LUZP2: variants seen among roughly 807,000 people sequenced by gnomAD.
LUZP2 encodes the protein leucine zipper protein 2.
A neutral mutation model predicts 51.6 loss-of-function variants in LUZP2; 52 were observed. The ratio of observed to expected loss-of-function variants is 1.01; its 90% CI spans 0.81 to 1.27. The LOEUF is 1.27. LUZP2 is among the 50% of genes most tolerant of loss of function. The pLI is 0.00. For synonymous variants in LUZP2, 154 were observed against 137.3 expected (o/e 1.12, Z -0.85); for missense variants, 436 against 395.4 (o/e 1.10, Z -0.87).
intron 5 of LUZP2, among the ~76,000 whole-genome samples, chr11:24,789,311 G>A (rs1487052758): frequency 6.6e-6 from 1 of 152,172 alleles, no homozygotes; most frequent in Non-Finnish European, 1.5e-5. Flanking sequence ...TTCAGCCAAA[G>A]TTCATAGCTT....
chr11:24,661,076 G>A (rs1038176911), intron 1 of LUZP2, among the ~76,000 whole-genome samples: 2 of 152,122 alleles, frequency 1.3e-5, no homozygotes, highest in African/African-American at 4.8e-5. Flanking sequence ...ATGACCTTTA[G>A]AGATAACATT....
At chr11:24,782,404 C>T (rs1849121147) in intron 5 of LUZP2, among the ~76,000 whole-genome samples, 1 of 151,942 alleles carries the variant, frequency 6.6e-6, no homozygotes, top group East Asian at 1.9e-4. Flanking sequence ...GAGATAATTT[C>T]TCAAGTACTA....
chr11:24,544,268 C>T (rs964861616), intron 1 of LUZP2, among the ~76,000 whole-genome samples: 19 of 151,904 alleles, frequency 1.3e-4, no homozygotes, highest in Admixed American at 3.9e-4. Flanking sequence ...TAGTGGTAGG[C>T]TAACATTCTA....
intron 1 of LUZP2, among the ~76,000 whole-genome samples, chr11:24,709,567 A>G (rs148594364): frequency 2.0e-5 from 3 of 152,284 alleles, no homozygotes; most frequent in African/African-American, 7.2e-5. Context: ...GTGCAAAATT[A>G]TTGTTTAAGG....
intron 1 of LUZP2, among the ~76,000 whole-genome samples, chr11:24,525,297 A>G (rs1218094328): frequency 1.3e-5 from 2 of 151,684 alleles, no homozygotes; most frequent in Non-Finnish European, 3.0e-5. Flanking sequence ...ATGATGCCAC[A>G]TTTTGTTTAC....
chr11:24,513,779 C>A (rs7112415), intron 1 of LUZP2, among the ~76,000 whole-genome samples: 13,807 of 152,176 alleles, frequency 0.091, 914 homozygotes, highest in African/African-American at 0.18. Flanking sequence ...AAATGAATAC[C>A]TTACTCTTCT....
chr11:24,603,361 G>T (rs1049832029), intron 1 of LUZP2, among the ~76,000 whole-genome samples: 4 of 151,928 alleles, frequency 2.6e-5, no homozygotes, highest in East Asian at 1.9e-4. Context: ...CTAGGAGAAG[G>T]TTTAATTCAT....
intron 1 of LUZP2, among the ~76,000 whole-genome samples, chr11:24,505,854 C>T (rs914086054): frequency 3.9e-5 from 6 of 151,954 alleles, no homozygotes; most frequent in African/African-American, 1.4e-4. Flanking sequence ...TATTACCTGA[C>T]CTCGTTTCTA....
chr11:24,948,830 T>C (rs1854980671), intron 7 of LUZP2, among the ~76,000 whole-genome samples: 1 of 17,616 alleles, frequency 5.7e-5, no homozygotes, highest in African/African-American at 8.6e-5. Context: ...CTATCATCTA[T>C]CTATCTATCT....
chr11:24,873,732 G>A (rs1219786657), intron 5 of LUZP2, among the ~76,000 whole-genome samples: 1 of 152,162 alleles, frequency 6.6e-6, no homozygotes, highest in Non-Finnish European at 1.5e-5. Context: ...CAGGGCCTGG[G>A]TTTAGATAAT....
intron 5 of LUZP2, among the ~76,000 whole-genome samples, chr11:24,813,969 G>T (rs1423561358): frequency 2.0e-5 from 3 of 152,210 alleles, no homozygotes; most frequent in African/African-American, 7.2e-5. Flanking sequence ...AACACCTTCA[G>T]TGGCTGTCAT....
At chr11:24,709,746 C>G (rs550871868) in intron 1 of LUZP2, among the ~76,000 whole-genome samples, 1 of 152,222 alleles carries the variant, frequency 6.6e-6, no homozygotes, top group East Asian at 1.9e-4. Context: ...CACCTTTATT[C>G]TTTCTGCCAG....
chr11:24,776,639 A>G (rs967204671), intron 5 of LUZP2, among the ~76,000 whole-genome samples: 22 of 152,130 alleles, frequency 1.4e-4, no homozygotes, highest in Non-Finnish European at 2.4e-4. Flanking sequence ...ACATTGCCAT[A>G]TATTTGTTAG....
intron 5 of LUZP2, among the ~76,000 whole-genome samples, chr11:24,802,209 T>G (rs557352686): frequency 6.6e-6 from 1 of 152,076 alleles, no homozygotes; most frequent in Non-Finnish European, 1.5e-5. Context: ...CACTCAGCAT[T>G]TATATTTGTG....
chr11:24,919,793 A>T (rs1030645450), intron 7 of LUZP2, among the ~76,000 whole-genome samples: 1 of 150,958 alleles, frequency 6.6e-6, no homozygotes, highest in East Asian at 1.9e-4. Flanking sequence ...TTAAAATATT[A>T]ATTATTGCTA....
intron 5 of LUZP2, among the ~76,000 whole-genome samples, chr11:24,846,079 T>G (rs1015417008): frequency 6.6e-6 from 1 of 151,916 alleles, no homozygotes; most frequent in Non-Finnish European, 1.5e-5. Context: ...CCACTTCTAT[T>G]TAAGAGTCAA....
At chr11:24,711,338 T>TAC (rs1857814892) in intron 1 of LUZP2, among the ~76,000 whole-genome samples, 1 of 152,018 alleles carries the variant, frequency 6.6e-6, no homozygotes, top group Non-Finnish European at 1.5e-5. Flanking sequence ...CAGTCCCAGC[T>TAC]GCTGGGGAGG....
chr11:24,921,222 G>A (rs1307281593), intron 7 of LUZP2, among the ~76,000 whole-genome samples: 1 of 152,020 alleles, frequency 6.6e-6, no homozygotes. Flanking sequence ...AGGGGGGCTC[G>A]GAACAAAGAG....
intron 1 of LUZP2, among the ~76,000 whole-genome samples, chr11:24,559,931 G>C (rs1483598788): frequency 6.6e-6 from 1 of 152,116 alleles, no homozygotes; most frequent in Non-Finnish European, 1.5e-5. Context: ...CCTTTAGGCT[G>C]ACTCTTTAGG....
Sources: allele counts gnomAD v4.1 joint callset (sites outside exome capture counted in the v4.1 genomes callset), GRCh38; gene constraint gnomAD v4.1.1; transcripts MANE v1.5; gene names NCBI Gene and HGNC (gene_info 2026-07-23, HGNC 2026-07-21).